The following LYPD6B variants were observed in gnomAD, a reference collection of about 807,000 sequenced individuals.
LYPD6B encodes the protein LY6/PLAUR domain containing 6B, also known as ly6/PLAUR domain-containing protein 6B.
Under a neutral mutation model 22.8 loss-of-function variants are expected in LYPD6B, and 17 were observed. The observed-to-expected ratio is 0.75, with a 90% CI of 0.51 to 1.12. The LOEUF is 1.12. Ranked by LOEUF, LYPD6B falls within the 50% of genes most tolerant of loss-of-function variation. LYPD6B has a pLI of 0.00. For missense variants in LYPD6B, 221 were observed against 258.3 expected, an observed-to-expected ratio of 0.86 and a Z score of 0.99; for synonymous variants, 106 against 91.6, an observed-to-expected ratio of 1.16 and a Z score of -0.90.
intron 1 of LYPD6B, among the ~76,000 whole-genome samples, chr2:149,070,443 A>T (rs1684545467): frequency 6.6e-6 from 1 of 152,042 alleles, no homozygotes; most frequent in South Asian, 2.1e-4. Flanking sequence ...TAAAATTTTA[A>T]CCTCTTTATT....
intron 1 of LYPD6B, among the ~76,000 whole-genome samples, chr2:149,114,206 C>T (rs1439354095): frequency 6.6e-6 from 1 of 152,224 alleles, no homozygotes; most frequent in Non-Finnish European, 1.5e-5. Flanking sequence ...TATAGCTAAT[C>T]ACTCTTTCAA....
At chr2:149,142,606 T>G (rs1397104127) in intron 2 of LYPD6B, among the ~76,000 whole-genome samples, 1 of 152,186 alleles carries the variant, frequency 6.6e-6, no homozygotes, top group East Asian at 1.9e-4. Flanking sequence ...TTGTGTGTGT[T>G]GTATATAATG....
intron 1 of LYPD6B, among the ~76,000 whole-genome samples, chr2:149,041,595 A>T (rs1036466153): frequency 6.7e-5 from 10 of 149,816 alleles, no homozygotes; most frequent in African/African-American, 2.6e-4. Flanking sequence ...AGCAAGGAGG[A>T]AAGTGAGACT....
chr2:149,115,186 G>A (rs567204533), intron 1 of LYPD6B, among the ~76,000 whole-genome samples: 3 of 152,144 alleles, frequency 2.0e-5, no homozygotes, highest in South Asian at 4.2e-4. Context: ...TGATCCTCTC[G>A]CCTCGGCCTC....
chr2:149,205,966 A>T (rs1693482530), intron 4 of LYPD6B: 1 of 453,446 alleles, frequency 2.2e-6, no homozygotes, highest in East Asian at 7.0e-5. Context: ...TTACATACAT[A>T]TGTCTAGATA....
intron 3 of LYPD6B, among the ~76,000 whole-genome samples, chr2:149,163,704 TC>T (rs1232044125): frequency 6.6e-6 from 1 of 152,170 alleles, no homozygotes; most frequent in Non-Finnish European, 1.5e-5. Context: ...TGCTATTTTT[TC>T]CCCCTGTGTC....
intron 1 of LYPD6B, among the ~76,000 whole-genome samples, chr2:149,116,156 A>G (rs1354204994): frequency 6.6e-6 from 1 of 152,260 alleles, no homozygotes; most frequent in African/African-American, 2.4e-5. Flanking sequence ...GAGAGCCCAT[A>G]TTCACATAAC....
chr2:149,200,399 C>T (rs145406872), intron 3 of LYPD6B, among the ~76,000 whole-genome samples: 39 of 152,230 alleles, frequency 2.6e-4, no homozygotes, highest in African/African-American at 9.4e-4. Flanking sequence ...TTACTGCCCA[C>T]AACTTTTGTC....
chr2:149,201,722 A>G (rs189107185), intron 3 of LYPD6B, among the ~76,000 whole-genome samples: 4 of 152,246 alleles, frequency 2.6e-5, no homozygotes, highest in Non-Finnish European at 2.9e-5. Flanking sequence ...TTGACAGGCA[A>G]AACTTTGGCA....
intron 3 of LYPD6B, among the ~76,000 whole-genome samples, chr2:149,204,208 A>T (rs1177779969): frequency 6.6e-6 from 1 of 152,206 alleles, no homozygotes; most frequent in Non-Finnish European, 1.5e-5. Flanking sequence ...TGTAGGTATT[A>T]TTAAGCCACA....
At chr2:149,050,766 T>C (rs1683513608) in intron 1 of LYPD6B, among the ~76,000 whole-genome samples, 1 of 152,202 alleles carries the variant, frequency 6.6e-6, no homozygotes, top group African/African-American at 2.4e-5. Flanking sequence ...CTCTGTTTTA[T>C]ATTTCTCTTT....
At chr2:149,147,368 C>G (rs1689090907) in intron 2 of LYPD6B, among the ~76,000 whole-genome samples, 1 of 152,328 alleles carries the variant, frequency 6.6e-6, no homozygotes, top group African/African-American at 2.4e-5. Context: ...GAAGGACAGG[C>G]TTTTCTGCCT....
At chr2:149,191,417 C>A (rs1692481819) in intron 3 of LYPD6B, among the ~76,000 whole-genome samples, 1 of 152,080 alleles carries the variant, frequency 6.6e-6, no homozygotes, top group Non-Finnish European at 1.5e-5. Flanking sequence ...CCTGGCCACT[C>A]ACTTGTCCCA....
intron 5 of LYPD6B, among the ~76,000 whole-genome samples, chr2:149,211,643 A>C (rs559471883): frequency 6.6e-6 from 1 of 152,266 alleles, no homozygotes; most frequent in South Asian, 2.1e-4. Context: ...AAAACCAAAA[A>C]AAAAAAAATG....
Position 149,179,113 on chromosome 2 carries a change from G to T in LYPD6B, c.77+18278G>T, listed in dbSNP as rs926422670. Among the ~76,000 whole-genome samples, 4 of 152,182 alleles carry T rather than the reference G, an allele frequency of 2.6e-5. No homozygotes were observed. The South Asian group carries it at 8.3e-4, about 32-fold the overall frequency. On this transcript the variant is annotated intron_variant, in intron 3 of 6. Coordinates refer to ENST00000409642, the MANE Select transcript of LYPD6B (RefSeq NM_177964.5). ...GAGACGAGTGCATGCTGGCTGGCCT[G>T]CTCCCACCTCCCACAGTGATGCTGA... is the stretch of plus-strand genomic sequence containing the variant.
rs527868761 is a variant in LYPD6B at position 149,191,765 on chromosome 2, A to G, written c.78-13488A>G. On this transcript the variant is annotated intron_variant, in intron 3 of 6. Coordinates refer to ENST00000409642, the MANE Select transcript of LYPD6B (RefSeq NM_177964.5). ...GAGAAATGGGAGTCAAATATGTGAC[A>G]GTGAATGTGATCCCTAACGAAAGTA... Among the ~76,000 whole-genome samples, 96 of 152,360 alleles carry G rather than the reference A, an allele frequency of 6.3e-4. 1 individual carries two copies. The highest frequency in any genetic ancestry group is 6.5e-4 in the Non-Finnish European group (44 of 68,030).
At chr2:149,086,131 A>G (rs1442962139) in intron 1 of LYPD6B, among the ~76,000 whole-genome samples, 2 of 152,208 alleles carry the variant, frequency 1.3e-5, no homozygotes, top group African/African-American at 4.8e-5. Context: ...TCCAAAATCA[A>G]AGGTTTCTAG....
At chr2:149,098,638 A>G (rs76552137) in intron 1 of LYPD6B, among the ~76,000 whole-genome samples, 3 of 149,252 alleles carry the variant, frequency 2.0e-5, no homozygotes, top group Admixed American at 6.6e-5. Flanking sequence ...AAAAAAAAAA[A>G]AAAAAAAAAA....
chr2:149,076,059 G>C (rs989609876), intron 1 of LYPD6B, among the ~76,000 whole-genome samples: 2 of 152,194 alleles, frequency 1.3e-5, no homozygotes, highest in Non-Finnish European at 2.9e-5. Flanking sequence ...GTTTAGGAAC[G>C]TGAACTGTCA....
Sources: gnomAD v4.1 joint callset for allele counts (sites outside exome capture counted in the v4.1 genomes callset) on GRCh38, gnomAD v4.1.1 for gene constraint, MANE v1.5 for transcripts, NCBI Gene and HGNC (gene_info 2026-07-23, HGNC 2026-07-21) for gene names.